SUGCT: variants seen among roughly 807,000 people sequenced by gnomAD.
SUGCT encodes the protein succinyl-CoA:glutarate CoA-transferase.
Under a neutral mutation model 55.0 loss-of-function variants are expected in SUGCT, and 41 were observed. The ratio of observed to expected loss-of-function variants is 0.74; its 90% CI spans 0.58 to 0.97. SUGCT has a LOEUF of 0.97. Among genes scored for constraint, SUGCT ranks in the 50% least tolerant of loss-of-function variants. SUGCT has a pLI of 0.00. For synonymous variants in SUGCT, 187 were observed against 200.4 expected (o/e 0.93, Z 0.56); for missense variants, 568 against 547.8 (o/e 1.04, Z -0.37).
the SUGCT span, among the ~76,000 whole-genome samples, chr7:40,884,185 T>G: frequency 6.6e-6 from 1 of 152,202 alleles, no homozygotes; most frequent in Non-Finnish European, 1.5e-5. Context: ...CTGGAAAACT[T>G]TCCAAGCCAG....
intron 13 of SUGCT, among the ~76,000 whole-genome samples, chr7:40,803,036 T>C (rs935092406): frequency 3.9e-5 from 6 of 152,194 alleles, no homozygotes; most frequent in Non-Finnish European, 5.9e-5. Flanking sequence ...TGCATGTTTC[T>C]TAAAAAAAGC....
At chr7:40,653,861 T>C (rs531152752) in intron 12 of SUGCT, among the ~76,000 whole-genome samples, 2 of 152,316 alleles carry the variant, frequency 1.3e-5, no homozygotes, top group South Asian at 4.1e-4. Flanking sequence ...TTAGTTTCTG[T>C]GGAAATGATT....
intron 8 of SUGCT, among the ~76,000 whole-genome samples, chr7:40,315,465 C>A (rs1795374195): frequency 6.6e-6 from 1 of 152,202 alleles, no homozygotes; most frequent in African/African-American, 2.4e-5. Context: ...GTTTTGCCAC[C>A]TGGGCTGTAC....
intron 7 of SUGCT, among the ~76,000 whole-genome samples, chr7:40,256,944 A>C (rs1012354731): frequency 6.6e-6 from 1 of 152,066 alleles, no homozygotes; most frequent in Non-Finnish European, 1.5e-5. Flanking sequence ...GGGTTTCACC[A>C]TCTTGGCCGG....
At chr7:40,411,145 C>T (rs536594355) in intron 9 of SUGCT, among the ~76,000 whole-genome samples, 6 of 152,290 alleles carry the variant, frequency 3.9e-5, no homozygotes, top group Admixed American at 3.3e-4. Context: ...GTAATCCCAG[C>T]ACTTTAGGAG....
At chr7:40,985,242 A>G in the SUGCT span, among the ~76,000 whole-genome samples, 1 of 152,160 alleles carries the variant, frequency 6.6e-6, no homozygotes, top group East Asian at 1.9e-4. Context: ...TCTAGTGAGG[A>G]GCAGTTTGTG....
intron 12 of SUGCT, among the ~76,000 whole-genome samples, chr7:40,669,627 CA>C (rs370507947): frequency 0.02 from 2,791 of 142,414 alleles, 37 homozygotes; most frequent in Non-Finnish European, 0.032. Flanking sequence ...ATACAATAAC[CA>C]AAAAAAAAAC....
intron 9 of SUGCT, among the ~76,000 whole-genome samples, chr7:40,412,528 G>A (rs912932430): frequency 2.0e-5 from 3 of 151,996 alleles, no homozygotes; most frequent in Non-Finnish European, 2.9e-5. Context: ...AGTTTCTTAC[G>A]CAATATTTTG....
chr7:40,497,916 TAAAC>T (rs1348349159), intron 12 of SUGCT, among the ~76,000 whole-genome samples: 1 of 152,016 alleles, frequency 6.6e-6, no homozygotes, highest in African/African-American at 2.4e-5. Flanking sequence ...TAGGCTTTGA[TAAAC>T]AAAGATTTAT....
intron 9 of SUGCT, among the ~76,000 whole-genome samples, chr7:40,336,609 T>C (rs1198568632): frequency 1.3e-5 from 2 of 152,216 alleles, no homozygotes; most frequent in East Asian, 3.8e-4. Context: ...CTTTATCGTT[T>C]TTTATTGCAC....
chr7:40,958,140 T>G, the SUGCT span, among the ~76,000 whole-genome samples: 1 of 152,132 alleles, frequency 6.6e-6, no homozygotes, highest in Non-Finnish European at 1.5e-5. Flanking sequence ...TTATGTGTCT[T>G]GGGGTTGCTC....
chr7:40,877,815 C>T, the SUGCT span, among the ~76,000 whole-genome samples: 9 of 152,356 alleles, frequency 5.9e-5, no homozygotes, highest in Admixed American at 6.5e-5. Flanking sequence ...ATGCTCATCA[C>T]ATTAAATTGC....
At chr7:40,224,399 C>CGTGTGT (rs61318990) in intron 6 of SUGCT, among the ~76,000 whole-genome samples, 3,822 of 145,446 alleles carry the variant, frequency 0.026, 83 homozygotes, top group Non-Finnish European at 0.038. Flanking sequence ...ATAATCTGTG[C>CGTGTGT]GTGTGTGTGT....
At chr7:40,407,235 T>A (rs1786420951) in intron 9 of SUGCT, among the ~76,000 whole-genome samples, 1 of 152,016 alleles carries the variant, frequency 6.6e-6, no homozygotes, top group African/African-American at 2.4e-5. Context: ...TCAAGGAAAA[T>A]TTTACCCTGA....
intron 1 of SUGCT, among the ~76,000 whole-genome samples, chr7:40,141,362 C>T (rs910815103): frequency 1.3e-5 from 2 of 151,932 alleles, no homozygotes; most frequent in South Asian, 2.1e-4. Context: ...GGGCCAGGCG[C>T]GGTGGCTCAT....
chr7:40,732,112 AT>A (rs1786919558), intron 12 of SUGCT, among the ~76,000 whole-genome samples: 1 of 152,232 alleles, frequency 6.6e-6, no homozygotes, highest in South Asian at 2.1e-4. Flanking sequence ...GAGGCCAGAA[AT>A]TCAAAATGAA....
chr7:40,393,681 C>T (rs927595840), intron 9 of SUGCT, among the ~76,000 whole-genome samples: 6 of 151,988 alleles, frequency 3.9e-5, no homozygotes, highest in African/African-American at 9.7e-5. Flanking sequence ...CCAGTGAGTC[C>T]GAAGTCTGGA....
chr7:40,790,510 A>G (rs1790259181), intron 13 of SUGCT, among the ~76,000 whole-genome samples: 1 of 152,226 alleles, frequency 6.6e-6, no homozygotes, highest in South Asian at 2.1e-4. Flanking sequence ...GATACAGAGG[A>G]GAGATTTCTT....
intron 9 of SUGCT, among the ~76,000 whole-genome samples, chr7:40,428,255 T>C (rs897243118): frequency 2.0e-5 from 3 of 152,208 alleles, no homozygotes; most frequent in Non-Finnish European, 2.9e-5. Flanking sequence ...TTCCAGCCTA[T>C]GTGTGTCCTT....
Sources: gnomAD v4.1 joint callset for allele counts (sites outside exome capture counted in the v4.1 genomes callset) on GRCh38, gnomAD v4.1.1 for gene constraint, MANE v1.5 for transcripts, NCBI Gene and HGNC (gene_info 2026-07-23, HGNC 2026-07-21) for gene names.